The following DNM3 variants were observed in gnomAD, a reference collection of about 807,000 sequenced individuals.
DNM3 encodes dynamin-3.
A neutral mutation model predicts 101.6 loss-of-function variants in DNM3; 47 were observed. The ratio of observed to expected loss-of-function variants is 0.46; its 90% CI spans 0.37 to 0.59. The LOEUF is 0.59. DNM3 is among the 20% of genes least tolerant of loss of function. The probability of loss-of-function intolerance (pLI) is 0.00; values close to 1 mark genes in which losing one functional copy is unlikely to be tolerated. For synonymous variants in DNM3, 385 were observed against 387.9 expected (o/e 0.99, Z 0.09); for missense variants, 849 against 1,085.7 (o/e 0.78, Z 3.06).
rs377031270 is a variant in DNM3 at position 172,306,891 on chromosome 1, T to G, written c.1770-1837T>G. ...AAAAATTAATTCAAAATGGATTAAATACTTAAATGTTAGACCTAAAACCAT... is the reference window on the plus strand; with the variant it reads ...AAAAATTAATTCAAAATGGATTAAAGACTTAAATGTTAGACCTAAAACCAT... On this transcript the variant is annotated intron_variant, in intron 15 of 20. Coordinates refer to ENST00000627582, the MANE Select transcript of DNM3 (RefSeq NM_015569.5). 1.6e-4 allele frequency among the ~76,000 whole-genome samples: 25 copies of G among 152,250 alleles called. 1 individual carries two copies. Among genetic ancestry groups the G allele is most frequent in the Middle Eastern group, 3.4e-3 (1 of 294 alleles).
intron 14 of DNM3, among the ~76,000 whole-genome samples, chr1:172,211,255 C>T (rs1477715831): frequency 6.6e-6 from 1 of 151,982 alleles, no homozygotes; most frequent in East Asian, 1.9e-4. Context: ...ATCATCACTC[C>T]GTAATTACTA....
intron 7 of DNM3, among the ~76,000 whole-genome samples, chr1:172,040,557 T>C (rs372859682): frequency 6.6e-6 from 1 of 152,046 alleles, no homozygotes; most frequent in Non-Finnish European, 1.5e-5. Flanking sequence ...GGGACAAATA[T>C]TTATTAAATC....
intron 14 of DNM3, among the ~76,000 whole-genome samples, chr1:172,244,704 A>G (rs2061883440): frequency 6.6e-6 from 1 of 152,154 alleles, no homozygotes; most frequent in Non-Finnish European, 1.5e-5. Flanking sequence ...GTCAGGAAAC[A>G]ACAGGTGCTG....
chr1:172,327,171 T>C (rs1360238358), intron 17 of DNM3, among the ~76,000 whole-genome samples: 10 of 152,142 alleles, frequency 6.6e-5, no homozygotes. Context: ...AATAACTGTT[T>C]TTACAACATT....
At chr1:172,256,947 T>C (rs2062428816) in intron 15 of DNM3, among the ~76,000 whole-genome samples, 2 of 151,936 alleles carry the variant, frequency 1.3e-5, no homozygotes, top group South Asian at 4.1e-4. Context: ...TTTTACATTT[T>C]AGAATGCAGG....
chr1:172,196,671 T>C (rs1363981225), intron 14 of DNM3, among the ~76,000 whole-genome samples: 2 of 152,162 alleles, frequency 1.3e-5, no homozygotes, highest in African/African-American at 4.8e-5. Flanking sequence ...TATTCACCTT[T>C]TTTTATATGT....
intron 14 of DNM3, among the ~76,000 whole-genome samples, chr1:172,192,368 T>C (rs753014053): frequency 6.8e-5 from 8 of 117,702 alleles, no homozygotes; most frequent in Non-Finnish European, 1.1e-4. Flanking sequence ...GTGGATAAGC[T>C]TTTTTTTTTT....
intron 15 of DNM3, among the ~76,000 whole-genome samples, chr1:172,303,812 T>C (rs2064605479): frequency 6.6e-6 from 1 of 152,102 alleles, no homozygotes; most frequent in Admixed American, 6.5e-5. Context: ...TAAAATCCTT[T>C]ACAGACAAGC....
At chr1:172,162,207 C>T (rs992534675) in intron 14 of DNM3, among the ~76,000 whole-genome samples, 9 of 152,058 alleles carry the variant, frequency 5.9e-5, no homozygotes, top group African/African-American at 2.2e-4. Flanking sequence ...CTAACCTCTG[C>T]TTTTGATTAT....
chr1:172,304,158 A>G (rs920778609), intron 15 of DNM3, among the ~76,000 whole-genome samples: 2 of 149,096 alleles, frequency 1.3e-5, no homozygotes, highest in African/African-American at 2.5e-5. Context: ...AGACACACAT[A>G]GGCTCAAAAT....
intron 18 of DNM3, among the ~76,000 whole-genome samples, chr1:172,382,667 C>G (rs1006562346): frequency 2.6e-5 from 4 of 152,066 alleles, no homozygotes; most frequent in South Asian, 2.1e-4. Context: ...ACTCCTACCC[C>G]CACAGGGTAT....
intron 7 of DNM3, among the ~76,000 whole-genome samples, chr1:172,041,448 G>T (rs1236466198): frequency 6.6e-6 from 1 of 152,154 alleles, no homozygotes; most frequent in Non-Finnish European, 1.5e-5. Flanking sequence ...CAGCTAAGAG[G>T]AAATAAACAT....
At chr1:172,065,287 G>A (rs1301995584) in intron 10 of DNM3, among the ~76,000 whole-genome samples, 1 of 152,108 alleles carries the variant, frequency 6.6e-6, no homozygotes, top group Non-Finnish European at 1.5e-5. Flanking sequence ...ACTCTTCCTT[G>A]GTAGACCTCA....
At chr1:171,872,838 G>A (rs970342753) in intron 1 of DNM3, among the ~76,000 whole-genome samples, 1 of 151,564 alleles carries the variant, frequency 6.6e-6, no homozygotes, top group African/African-American at 2.4e-5. Flanking sequence ...TTGCTTTTTC[G>A]AGTCAGTTGA....
chr1:172,086,246 C>G (rs1268680212), intron 12 of DNM3, among the ~76,000 whole-genome samples: 1 of 152,108 alleles, frequency 6.6e-6, no homozygotes, highest in Non-Finnish European at 1.5e-5. Context: ...ATAGCCTGAG[C>G]CTTCATTAAA....
intron 2 of DNM3, among the ~76,000 whole-genome samples, chr1:171,978,251 A>T (rs974748962): frequency 4.6e-5 from 7 of 152,190 alleles, no homozygotes; most frequent in Admixed American, 2.0e-4. Context: ...CGAAGAAAAA[A>T]ACTGGGCAAT....
chr1:172,314,677 G>A (rs1176382476), intron 16 of DNM3, among the ~76,000 whole-genome samples: 14 of 152,212 alleles, frequency 9.2e-5, no homozygotes, highest in Admixed American at 8.5e-4. Context: ...GTGGCAGCGA[G>A]GCTGAGGGAG....
intron 11 of DNM3, among the ~76,000 whole-genome samples, chr1:172,069,949 C>T (rs534132298): frequency 2.0e-5 from 3 of 152,148 alleles, no homozygotes; most frequent in East Asian, 1.9e-4. Context: ...GAGACACACA[C>T]AGCACACAGA....
rs1356106521 is a variant in DNM3 at position 172,058,585 on chromosome 1, T to C, written c.1335+9835T>C. On this transcript the variant is annotated intron_variant, in intron 10 of 20. Transcript: ENST00000627582. ...TACATGGAAACTGAACAACCTGCTCTTGAATGACTACTGGGTACATAACGA... is the reference window on the plus strand; with the variant it reads ...TACATGGAAACTGAACAACCTGCTCCTGAATGACTACTGGGTACATAACGA... Among the ~76,000 whole-genome samples, 9 of 152,270 alleles carry C rather than the reference T, an allele frequency of 5.9e-5. No homozygotes were observed. In the East Asian group the frequency reaches 7.7e-4, roughly 13 times the overall value.
Sources: allele counts gnomAD v4.1 joint callset (sites outside exome capture counted in the v4.1 genomes callset), GRCh38; gene constraint gnomAD v4.1.1; transcripts MANE v1.5; gene names NCBI Gene and HGNC (gene_info 2026-07-23, HGNC 2026-07-21).